The following KCNN2 variants were observed in gnomAD, a reference collection of about 807,000 sequenced individuals.
The protein encoded by KCNN2 is small conductance calcium-activated potassium channel protein 2.
A neutral mutation model predicts 55.5 loss-of-function variants in KCNN2; 24 were observed. The observed-to-expected ratio is 0.43, with a 90% CI of 0.31 to 0.61. KCNN2 has a LOEUF of 0.61. Among genes scored for constraint, KCNN2 ranks in the 20% least tolerant of loss-of-function variants. The pLI is 0.08. For missense variants in KCNN2, 754 were observed against 853.6 expected (o/e 0.88, Z 1.45); for synonymous variants, 431 against 336.1 (o/e 1.28, Z -3.09).
intron 1 of KCNN2, among the ~76,000 whole-genome samples, chr5:114,120,729 A>C (rs1202907396): frequency 6.6e-6 from 1 of 152,226 alleles, no homozygotes; most frequent in Admixed American, 6.5e-5. Flanking sequence ...CTTTAGTATC[A>C]TCAATAATAA....
Position 114,487,044 on chromosome 5 carries a change from T to C in KCNN2, c.1891-6T>C. ...TTATCAACTGCTTTGTTTGTTCTCT[T>C]AACAGGTAAAAAATGCAGCTGCCAA... On this transcript the variant is annotated splice_polypyrimidine_tract_variant and splice_region_variant and intron_variant, in intron 5 of 7. Coordinates refer to ENST00000673685, the MANE Select transcript of KCNN2 (RefSeq NM_021614.4). 6.2e-7 allele frequency: 1 copy of C among 1,612,734 alleles called. No individual in the cohort carries two copies. Among genetic ancestry groups the C allele is most frequent in the Non-Finnish European group, 8.5e-7 (1 of 1,179,164 alleles).
At chr5:114,220,677 A>G (rs534244893) in intron 1 of KCNN2, among the ~76,000 whole-genome samples, 1 of 152,232 alleles carries the variant, frequency 6.6e-6, no homozygotes, top group South Asian at 2.1e-4. Flanking sequence ...ACAAGTGAAC[A>G]TGGCTAAAGA....
intron 2 of KCNN2, among the ~76,000 whole-genome samples, chr5:114,346,341 A>T (rs1757103331): frequency 2.6e-5 from 4 of 152,062 alleles, no homozygotes; most frequent in Admixed American, 6.6e-5. Flanking sequence ...ATAGATACAA[A>T]CTCTGTCAAC....
intron 2 of KCNN2, among the ~76,000 whole-genome samples, chr5:114,311,134 CTT>C (rs1273016497): frequency 6.6e-6 from 1 of 151,642 alleles, no homozygotes; most frequent in Non-Finnish European, 1.5e-5. Context: ...CCTTGCGTCT[CTT>C]TGCATCAAGC....
chr5:114,352,935 AT>A lies in KCNN2; in HGVS notation c.-184-8008del. Among the ~76,000 whole-genome samples, 3 of 151,960 alleles carry A rather than the reference AT, an allele frequency of 2.0e-5. 1 individual carries two copies. The Middle Eastern group carries it at 0.01, about 517-fold the overall frequency. ...TTATACTGCTGTTAACATTTTCTGT[AT>A]TCTTGTTAATCCTCTGCATAGCTGT... On this transcript the variant is annotated intron_variant, in intron 2 of 10. Coordinates refer to the KCNN2 transcript ENST00000512097.
intron 2 of KCNN2, among the ~76,000 whole-genome samples, chr5:114,268,349 C>T (rs1051172467): frequency 2.6e-5 from 4 of 152,168 alleles, no homozygotes; most frequent in Admixed American, 6.5e-5. Flanking sequence ...GGCTCAAGTT[C>T]GCCATTTCCA....
intron 2 of KCNN2, among the ~76,000 whole-genome samples, chr5:114,291,384 C>T (rs1051057631): frequency 1.3e-5 from 2 of 152,050 alleles, no homozygotes; most frequent in Admixed American, 6.5e-5. Flanking sequence ...GTTCCCCTTC[C>T]TATGTCCATG....
chr5:114,283,797 C>T (rs1369145093), intron 2 of KCNN2, among the ~76,000 whole-genome samples: 1 of 152,206 alleles, frequency 6.6e-6, no homozygotes, highest in Non-Finnish European at 1.5e-5. Context: ...ACTTTCTGAG[C>T]TACCTAGATG....
intron 2 of KCNN2, among the ~76,000 whole-genome samples, chr5:114,306,960 T>C (rs1048310861): frequency 2.6e-5 from 4 of 152,102 alleles, no homozygotes; most frequent in Admixed American, 2.0e-4. Flanking sequence ...CACCTTGGCC[T>C]CCCAAAGTGC....
upstream of KCNN2, chr5:114,361,111 CG>C: frequency 6.6e-6 from 1 of 152,328 alleles, no homozygotes; most frequent in Non-Finnish European, 1.5e-5. Context: ...ACCCGGCGGC[CG>C]GGGGCGCCAT....
chr5:114,308,440 G>T (rs1387393716), intron 2 of KCNN2, among the ~76,000 whole-genome samples: 3 of 152,208 alleles, frequency 2.0e-5, no homozygotes. Context: ...GCATTATCAA[G>T]TTGGCCATGT....
chr5:114,206,917 G>A (rs1753788708), intron 1 of KCNN2, among the ~76,000 whole-genome samples: 1 of 152,142 alleles, frequency 6.6e-6, no homozygotes, highest in Non-Finnish European at 1.5e-5. Flanking sequence ...TGACTAGCCT[G>A]CAAAATCATA....
intron 1 of KCNN2, among the ~76,000 whole-genome samples, chr5:114,148,679 T>A (rs1453180771): frequency 6.6e-6 from 1 of 152,048 alleles, no homozygotes; most frequent in Non-Finnish European, 1.5e-5. Flanking sequence ...ATGCCACATG[T>A]CCTCCTCTGG....
chr5:114,140,017 C>G (rs1027984661), intron 1 of KCNN2, among the ~76,000 whole-genome samples: 4 of 152,030 alleles, frequency 2.6e-5, no homozygotes, highest in Non-Finnish European at 5.9e-5. Flanking sequence ...AACAATGACA[C>G]TCTTCTCACC....
intron 1 of KCNN2, among the ~76,000 whole-genome samples, chr5:114,209,030 G>A (rs1753825865): frequency 6.7e-6 from 1 of 150,026 alleles, no homozygotes; most frequent in African/African-American, 2.4e-5. Context: ...TTAGCCTTTT[G>A]CTTCTCTTGA....
chr5:114,173,229 G>A (rs549797347), intron 1 of KCNN2, among the ~76,000 whole-genome samples: 20 of 152,036 alleles, frequency 1.3e-4, no homozygotes, highest in African/African-American at 4.6e-4. Flanking sequence ...TGTAAAAAAT[G>A]AGTTCACGGT....
intron 1 of KCNN2, among the ~76,000 whole-genome samples, chr5:114,138,331 G>A (rs1186850205): frequency 3.3e-5 from 5 of 152,078 alleles, no homozygotes; most frequent in Admixed American, 6.6e-5. Context: ...CAGGGCACAT[G>A]TCTATTTTAT....
chr5:114,377,944 A>G (rs1757992652), intron 2 of KCNN2, among the ~76,000 whole-genome samples: 1 of 152,170 alleles, frequency 6.6e-6, no homozygotes, highest in African/African-American at 2.4e-5. Context: ...CATTATTATT[A>G]AGTAAATACT....
chr5:114,335,682 T>G (rs1756908153), intron 2 of KCNN2, among the ~76,000 whole-genome samples: 1 of 152,146 alleles, frequency 6.6e-6, no homozygotes, highest in African/African-American at 2.4e-5. Flanking sequence ...TTTCATCTGT[T>G]AGAATGAATG....
Sources: gnomAD v4.1 joint callset for allele counts (sites outside exome capture counted in the v4.1 genomes callset) on GRCh38, gnomAD v4.1.1 for gene constraint, MANE v1.5 for transcripts, NCBI Gene and HGNC (gene_info 2026-07-23, HGNC 2026-07-21) for gene names.